Variants in TNRC6A observed in about 807,000 individuals in gnomAD.
The protein encoded by TNRC6A is trinucleotide repeat containing adaptor 6A.
Under a neutral mutation model 221.2 loss-of-function variants are expected in TNRC6A, and 44 were observed. The ratio of observed to expected loss-of-function variants is 0.20; its 90% confidence interval spans 0.16 to 0.26. The LOEUF (loss-of-function observed/expected upper bound fraction) is 0.26. Ranked by LOEUF, TNRC6A falls within the 10% of genes least tolerant of loss-of-function variation. The probability of loss-of-function intolerance (pLI) is 1.00; values close to 1 mark genes in which losing one functional copy is unlikely to be tolerated. For missense variants in TNRC6A, 2,199 were observed against 2,404.4 expected (o/e 0.91, Z 1.79); for synonymous variants, 847 against 838.5 (o/e 1.01, Z -0.18).
intron 5 of TNRC6A, 87 bp from the exon 6 acceptor site, chr16:24,789,145 A>C: frequency 7.7e-7 from 1 of 1,305,532 alleles, no homozygotes; most frequent in Non-Finnish European, 1.0e-6. Context: ...ATATATTTAT[A>C]ACATATTCGT....
chr16:24,734,156 CAG>C (rs2056708829), intron 2 of TNRC6A, among the ~76,000 whole-genome samples: 1 of 151,844 alleles, frequency 6.6e-6, no homozygotes, highest in Non-Finnish European at 1.5e-5. Context: ...GCCTGGGAAA[CAG>C]AGTGCAACCC....
chr16:24,687,248 C>T (rs1269963612), intron 2 of TNRC6A, among the ~76,000 whole-genome samples: 1 of 152,154 alleles, frequency 6.6e-6, no homozygotes, highest in Non-Finnish European at 1.5e-5. Flanking sequence ...ATGTCTACAT[C>T]TCCCCTACTT....
At chr16:24,806,426 G>A (rs535255270) in intron 16 of TNRC6A, 143 bp downstream of exon 16, 1 of 1,350,788 alleles carries the variant, frequency 7.4e-7, no homozygotes, top group African/African-American at 1.4e-5. Flanking sequence ...TAAGTCTGCT[G>A]GTTGCCCATG....
At position 24,660,280 on chromosome 16, in the gene TNRC6A, C is replaced by T. The variant is rs543866408; in HGVS notation, n.402+19271C>T. ...AAAGTCCCTTGTGTCATTCTTATGC[C>T]TTTGCATCCTCATAGCTTAGCTCCC... On this transcript the variant is annotated intron_variant and non_coding_transcript_variant, in intron 2 of 2. Coordinates refer to the TNRC6A transcript ENST00000566108. 9.9e-5 allele frequency among the ~76,000 whole-genome samples: 15 copies of T among 152,158 alleles called. No individual in the cohort carries two copies. The East Asian group carries it at 2.7e-3, about 27-fold the overall frequency.
Position 24,815,159 on chromosome 16 carries a change from G to A in TNRC6A, c.4685G>A (p.Ser1562Asn). 1 of 1,613,356 alleles carries A rather than the reference G, an allele frequency of 6.2e-7. No homozygotes were observed. The highest frequency in any genetic ancestry group is 8.5e-7 in the Non-Finnish European group (1 of 1,179,308). ...QNSSKHGAIS[S>N]GFRLEESPFV... The stretch of plus-strand genomic sequence containing the variant: ...CTTCCCTTGTTAGGTGCTATTTCAA[G>A]TGGTTTCAGGCTGGAAGAGTCTCCA... Residue 1562 changes from serine (S) to asparagine (N), a missense_variant, in exon 19 of 25, where the codon AGT (serine) becomes AAT (asparagine). By Grantham distance (46) the Ser-to-Asn change is conservative. Transcript: ENST00000395799.
chr16:24,812,015 T>A (rs1289811874), intron 18 of TNRC6A, among the ~76,000 whole-genome samples: 1 of 143,702 alleles, frequency 7.0e-6, no homozygotes, highest in African/African-American at 2.6e-5. Flanking sequence ...AATGTCACTT[T>A]GGGATTTTTT....
intron 2 of TNRC6A, among the ~76,000 whole-genome samples, chr16:24,646,131 T>G (rs1179586174): frequency 1.3e-5 from 2 of 152,206 alleles, no homozygotes; most frequent in African/African-American, 2.4e-5. Context: ...CTTTTCCAGC[T>G]AGGTCACAGG....
In TNRC6A at chr16:24,804,856, G is replaced by A; in HGVS notation, c.3984+5G>A. 1 of 1,613,666 alleles carries A rather than the reference G, an allele frequency of 6.2e-7. No homozygotes were observed. The highest frequency in any genetic ancestry group is 1.3e-5 in the African/African-American group (1 of 75,030). ...AACTTGAATTCTGTTAGACAGGTAA[G>A]TCCAGATGTGTATTTTAGGCTCTCA... On this transcript the variant is annotated splice_donor_5th_base_variant and intron_variant, in intron 13 of 24. Coordinates refer to ENST00000395799, the MANE Select transcript of TNRC6A (RefSeq NM_014494.4).
In TNRC6A at chr16:24,826,169, T is replaced by A. The variant is rs542683022; in HGVS notation, c.*2362T>A. 1.0e-4 allele frequency: 16 copies of A among 152,788 alleles called. No individual in the cohort carries two copies. The highest frequency in any genetic ancestry group is 3.8e-4 in the African/African-American group (16 of 41,584). The allele number at this position is 152,788 out of a possible 1,614,324, so 9.5% of individuals were successfully genotyped here. ...TGCGTTAATTGTATTGTTAAAGTGTTTGGGAGTTTTTTGCGCTTGTTATGT... is the reference window on the plus strand; with the variant it reads ...TGCGTTAATTGTATTGTTAAAGTGTATGGGAGTTTTTTGCGCTTGTTATGT... On this transcript the variant is annotated 3_prime_UTR_variant, in exon 25 of 25. Transcript: ENST00000395799.
In TNRC6A at chr16:24,674,769, G is replaced by A. The variant is rs571323358; in HGVS notation, n.402+33760G>A. ...GTCTAAGTCTGAACAATCATGTGAC[G>A]TAAACTTTTCTTAAAGGGATCACAA... is the stretch of plus-strand genomic sequence containing the variant. On this transcript the variant is annotated intron_variant and non_coding_transcript_variant, in intron 2 of 2. Coordinates refer to the TNRC6A transcript ENST00000566108. Among the ~76,000 whole-genome samples, 81 of 148,874 alleles carry A rather than the reference G, an allele frequency of 5.4e-4. 1 individual carries two copies. The South Asian group carries it at 0.017, about 31-fold the overall frequency.
chr16:24,747,707 T>C (rs914839204), intron 2 of TNRC6A, among the ~76,000 whole-genome samples: 2 of 152,212 alleles, frequency 1.3e-5, no homozygotes, highest in African/African-American at 4.8e-5. Context: ...GCTGTGATGA[T>C]AGTGTTGAAG....
In TNRC6A at chr16:24,730,421, A is replaced by T. The variant is rs925424174; in HGVS notation, c.53+121A>T. ...TTTCTTCCGCACCCGGAGAGCAGAC[A>T]TTCGGGAGAAGCGGCCTGGGGGAAT... On this transcript the variant is annotated intron_variant, in intron 2 of 24. Coordinates refer to ENST00000395799, the MANE Select transcript of TNRC6A (RefSeq NM_014494.4). 5.1e-6 allele frequency: 6 copies of T among 1,183,208 alleles called. No homozygotes were observed. The Admixed American group carries it at 9.7e-5, about 19-fold the overall frequency. The allele number at this position is 1,183,208 out of a possible 1,614,324, so 73.3% of individuals were successfully genotyped here.
At chr16:24,785,707 A>T (rs892738795) in intron 5 of TNRC6A, among the ~76,000 whole-genome samples, 1 of 152,046 alleles carries the variant, frequency 6.6e-6, no homozygotes, top group African/African-American at 2.4e-5. Context: ...TCCCTCTTGA[A>T]TTCTGGATCC....
chr16:24,809,951 T>A (rs1010397501), intron 18 of TNRC6A, among the ~76,000 whole-genome samples: 53 of 152,190 alleles, frequency 3.5e-4, no homozygotes, highest in African/African-American at 1.3e-3. Flanking sequence ...TAGCTGGGAT[T>A]ACAGGCCTGA....
chr16:24,671,429 G>T (rs1052683314), intron 2 of TNRC6A, among the ~76,000 whole-genome samples: 1 of 152,218 alleles, frequency 6.6e-6, no homozygotes, highest in East Asian at 1.9e-4. Context: ...GAAGATGCTG[G>T]TGGTGATGAG....
intron 2 of TNRC6A, among the ~76,000 whole-genome samples, chr16:24,713,017 A>C (rs2056237117): frequency 6.6e-6 from 1 of 151,652 alleles, no homozygotes; most frequent in African/African-American, 2.4e-5. Flanking sequence ...GGGTTCAAGC[A>C]GTCCTCCCAT....
chr16:24,726,402 C>A (rs1201252810), upstream of TNRC6A, among the ~76,000 whole-genome samples: 1 of 149,698 alleles, frequency 6.7e-6, no homozygotes. Context: ...AAAAGAACTC[C>A]AGAAGAATAT....
intron 2 of TNRC6A, among the ~76,000 whole-genome samples, chr16:24,732,484 C>T (rs2056667763): frequency 6.6e-6 from 1 of 152,110 alleles, no homozygotes; most frequent in Non-Finnish European, 1.5e-5. Context: ...TTGAAAAACC[C>T]TGTGAGGTAG....
intron 2 of TNRC6A, among the ~76,000 whole-genome samples, chr16:24,683,905 G>A (rs1361311603): frequency 2.0e-5 from 3 of 152,202 alleles, no homozygotes; most frequent in Non-Finnish European, 4.4e-5. Flanking sequence ...AGGTACTGAT[G>A]TGTGAGCTCT....
Sources: gnomAD v4.1 joint callset for allele counts (sites outside exome capture counted in the v4.1 genomes callset) on GRCh38, gnomAD v4.1.1 for gene constraint, MANE v1.5 for transcripts, NCBI Gene and HGNC (gene_info 2026-07-23, HGNC 2026-07-21) for gene names.